The following MBNL1 variants were observed in gnomAD, a reference collection of about 807,000 sequenced individuals.
The protein encoded by MBNL1 is muscleblind like splicing regulator 1.
MBNL1 carries 8 observed loss-of-function variants against 42.2 expected under a neutral mutation model. The observed-to-expected ratio is 0.19, with a 90% CI of 0.11 to 0.34. MBNL1 has a LOEUF of 0.34. MBNL1 is among the 10% of genes least tolerant of loss of function. The probability of loss-of-function intolerance (pLI) is 1.00; values close to 1 mark genes in which losing one functional copy is unlikely to be tolerated. For synonymous variants in MBNL1, 169 were observed against 173.9 expected (o/e 0.97, Z 0.22); for missense variants, 309 against 495.3 (o/e 0.62, Z 3.57).
chr3:152,324,562 C>T (rs1465560322), intron 2 of MBNL1, among the ~76,000 whole-genome samples: 1 of 152,166 alleles, frequency 6.6e-6, no homozygotes, highest in Middle Eastern at 3.2e-3. Flanking sequence ...CAGATGGCAA[C>T]CATAGTTCTC....
chr3:152,398,300 CTGTTTA>C (rs755386183), intron 2 of MBNL1, among the ~76,000 whole-genome samples: 5 of 151,124 alleles, frequency 3.3e-5, no homozygotes, highest in Admixed American at 2.0e-4. Flanking sequence ...CTCATTCTTT[CTGTTTA>C]TGTTAGTGCA....
rs2060005309 is a variant in MBNL1 at position 152,299,827 on chromosome 3, G to T, written c.-367G>T. 2.5e-6 allele frequency: 1 copy of T among 404,546 alleles called. No individual in the cohort carries two copies. The highest frequency in any genetic ancestry group is 4.4e-6 in the Non-Finnish European group (1 of 229,822). The allele number at this position is 404,546 out of a possible 1,614,324, so 25.1% of individuals were successfully genotyped here. On this transcript the variant is annotated 5_prime_UTR_variant, in exon 2 of 10. Transcript: ENST00000324210. ...GCAGCTTGGAAATTCGGTGTCGAAGGGTCTGCCACGTTTTCATGCTTGCAT... is the reference window on the plus strand; with the variant it reads ...GCAGCTTGGAAATTCGGTGTCGAAGTGTCTGCCACGTTTTCATGCTTGCAT...
At chr3:152,368,968 T>C (rs1157287945) in intron 2 of MBNL1, among the ~76,000 whole-genome samples, 1 of 152,228 alleles carries the variant, frequency 6.6e-6, no homozygotes, top group Non-Finnish European at 1.5e-5. Context: ...AGAGACAATT[T>C]GACTTCCTCT....
intron 2 of MBNL1, chr3:152,300,963 C>G (rs1414653510): frequency 1.0e-6 from 1 of 973,526 alleles, no homozygotes; most frequent in East Asian, 1.1e-4. Flanking sequence ...GAGGCACAAA[C>G]TTTGTTGCAT....
intron 2 of MBNL1, among the ~76,000 whole-genome samples, chr3:152,366,994 G>A (rs1309681037): frequency 1.3e-5 from 2 of 152,060 alleles, no homozygotes; most frequent in Non-Finnish European, 2.9e-5. Context: ...CATAAAACAA[G>A]GCTGTAAATT....
intron 2 of MBNL1, among the ~76,000 whole-genome samples, chr3:152,403,877 CA>C (rs1322825935): frequency 2.0e-5 from 3 of 151,454 alleles, no homozygotes; most frequent in African/African-American, 7.3e-5. Flanking sequence ...TGGTCATAGG[CA>C]GGGGGGTGGG....
intron 2 of MBNL1, among the ~76,000 whole-genome samples, chr3:152,369,520 C>T (rs1180111053): frequency 2.6e-5 from 4 of 152,116 alleles, no homozygotes; most frequent in Non-Finnish European, 5.9e-5. Flanking sequence ...TGACACTGGC[C>T]TCATAAAATG....
intron 2 of MBNL1, among the ~76,000 whole-genome samples, chr3:152,390,613 G>GCACACACACACACACACA (rs3220073): frequency 1.1e-3 from 159 of 147,248 alleles, no homozygotes; most frequent in Middle Eastern, 3.5e-3. Flanking sequence ...GTATTGTTAT[G>GCACACACACACACACACA]CACACACACA....
At chr3:152,288,401 A>G (rs1323931442) in intron 1 of MBNL1, among the ~76,000 whole-genome samples, 1 of 152,190 alleles carries the variant, frequency 6.6e-6, no homozygotes, top group African/African-American at 2.4e-5. Context: ...GAAAATTACT[A>G]CATGGGAAAA....
At chr3:152,353,233 A>G (rs1260836691) in intron 2 of MBNL1, among the ~76,000 whole-genome samples, 6 of 152,220 alleles carry the variant, frequency 3.9e-5, no homozygotes, top group African/African-American at 1.4e-4. Context: ...TCAGGAATCC[A>G]AGCTTACTCT....
intron 2 of MBNL1, among the ~76,000 whole-genome samples, chr3:152,413,847 GGGTAGA>G (rs2098645271): frequency 6.6e-6 from 1 of 152,072 alleles, no homozygotes; most frequent in Non-Finnish European, 1.5e-5. Context: ...GAAATAATAT[GGGTAGA>G]GTGCCTCACA....
chr3:152,286,289 C>T (rs6804676), intron 1 of MBNL1, among the ~76,000 whole-genome samples: 138,003 of 140,568 alleles, frequency 0.98, 67,770 homozygotes, highest in African/African-American at 1. Context: ...ATTTATAATA[C>T]AAATATTTAA....
intron 2 of MBNL1, among the ~76,000 whole-genome samples, chr3:152,303,541 GAT>G (rs1460273791): frequency 6.6e-6 from 1 of 151,952 alleles, no homozygotes; most frequent in Non-Finnish European, 1.5e-5. Context: ...TTGTGAAAGA[GAT>G]AGGAAAAAAG....
At chr3:152,386,176 A>G (rs1450656893) in intron 2 of MBNL1, among the ~76,000 whole-genome samples, 1 of 152,082 alleles carries the variant, frequency 6.6e-6, no homozygotes, top group Non-Finnish European at 1.5e-5. Context: ...AAATCATACC[A>G]TACAGTGAAG....
At chr3:152,288,219 G>A (rs2053726067) in intron 1 of MBNL1, among the ~76,000 whole-genome samples, 1 of 152,170 alleles carries the variant, frequency 6.6e-6, no homozygotes, top group East Asian at 1.9e-4. Context: ...AGTTTGAGGA[G>A]GACAAAGTGA....
intron 8 of MBNL1, 71 bp from the exon 9 acceptor site, chr3:152,459,200 A>T: frequency 1.3e-6 from 1 of 776,416 alleles, no homozygotes; most frequent in Non-Finnish European, 2.0e-6. Context: ...ATTTAATATT[A>T]AAATGTTTTC....
intron 2 of MBNL1, among the ~76,000 whole-genome samples, chr3:152,330,116 G>A (rs1157022913): frequency 6.6e-6 from 1 of 152,080 alleles, no homozygotes; most frequent in African/African-American, 2.4e-5. Flanking sequence ...AACAGATTTT[G>A]CTGAACACAT....
chr3:152,277,894 CTATT>C (rs903135750), intron 1 of MBNL1, among the ~76,000 whole-genome samples: 18 of 152,004 alleles, frequency 1.2e-4, no homozygotes, highest in African/African-American at 3.4e-4. Context: ...AGAAATTACA[CTATT>C]TATGTCTTTA....
chr3:152,302,361 A>C (rs764733147), intron 2 of MBNL1: 1 of 152,182 alleles, frequency 6.6e-6, no homozygotes, highest in African/African-American at 2.4e-5. Flanking sequence ...GGAAAAAAAA[A>C]ACATGAATTT....
Sources: gnomAD v4.1 joint callset for allele counts (sites outside exome capture counted in the v4.1 genomes callset) on GRCh38, gnomAD v4.1.1 for gene constraint, MANE v1.5 for transcripts, NCBI Gene and HGNC (gene_info 2026-07-23, HGNC 2026-07-21) for gene names.